Variants in CSMD3 observed in about 807,000 individuals in gnomAD.
CSMD3 encodes the protein CUB and Sushi multiple domains 3.
Under a neutral mutation model 435.2 loss-of-function variants are expected in CSMD3, and 177 were observed. The observed-to-expected ratio is 0.41, with a 90% confidence interval of 0.36 to 0.46. The LOEUF is 0.46. Ranked by LOEUF, CSMD3 falls within the 20% of genes least tolerant of loss-of-function variation. The pLI, the probability that CSMD3 is intolerant of heterozygous loss-of-function variation, is 0.34. For missense variants in CSMD3, 4,265 were observed against 4,504.6 expected (o/e 0.95, Z 1.52); for synonymous variants, 1,656 against 1,520.5 (o/e 1.09, Z -2.07).
chr8:112,905,464 A>G (rs2130482733), intron 10 of CSMD3, among the ~76,000 whole-genome samples: 1 of 151,326 alleles, frequency 6.6e-6, no homozygotes, highest in East Asian at 2.0e-4. Flanking sequence ...TTTGTTCTGG[A>G]ATATCTTTTT....
intron 36 of CSMD3, among the ~76,000 whole-genome samples, chr8:112,386,529 G>C (rs951248254): frequency 1.3e-5 from 2 of 151,772 alleles, no homozygotes; most frequent in South Asian, 4.2e-4. Context: ...ACAGAGTCTC[G>C]CTCTGTCGCC....
intron 1 of CSMD3, among the ~76,000 whole-genome samples, chr8:113,410,803 G>C (rs1282752784): frequency 6.6e-6 from 1 of 151,140 alleles, no homozygotes; most frequent in East Asian, 2.0e-4. Flanking sequence ...TACTATGGGA[G>C]GCTTAGGTGG....
At chr8:113,355,808 ATT>A in intron 1 of CSMD3, among the ~76,000 whole-genome samples, 1 of 106,428 alleles carries the variant, frequency 9.4e-6, no homozygotes, top group Non-Finnish European at 2.3e-5. Context: ...TCAACTATAC[ATT>A]TATCTATCAA....
intron 6 of CSMD3, among the ~76,000 whole-genome samples, chr8:113,005,832 G>A (rs1192914614): frequency 6.6e-6 from 1 of 151,950 alleles, no homozygotes; most frequent in Non-Finnish European, 1.5e-5. Context: ...ATCCTAGCCT[G>A]CAGTAATTCT....
At chr8:112,705,350 AGTATAT>A (rs1196689604) in intron 13 of CSMD3, among the ~76,000 whole-genome samples, 1 of 152,036 alleles carries the variant, frequency 6.6e-6, no homozygotes, top group Non-Finnish European at 1.5e-5. Context: ...AGTGTTCTCC[AGTATAT>A]CTTACTCACT....
intron 6 of CSMD3, among the ~76,000 whole-genome samples, chr8:112,988,268 T>G (rs16884262): frequency 0.013 from 1,951 of 152,192 alleles, 46 homozygotes; most frequent in African/African-American, 0.045. Context: ...GGCTTTCAAA[T>G]GTATTTGAAT....
At position 112,954,324 on chromosome 8, in the gene CSMD3, C is replaced by T. The variant is rs894356423; in HGVS notation, c.1420+360G>A. ...ACTTATGTTGAAATTAAGATATAGT[C>T]AATCAAGAATTCCTACAAGAAACCA... On this transcript the variant is annotated intron_variant, in intron 8 of 70. Transcript: ENST00000297405. Among the ~76,000 whole-genome samples the T allele has an allele frequency of 7.3e-5, 11 of 151,368 alleles. No individual in the cohort carries two copies. In the East Asian group the frequency reaches 2.1e-3, roughly 29 times the overall value.
chr8:112,334,992 G>C (rs1194885537), intron 45 of CSMD3, among the ~76,000 whole-genome samples: 1 of 152,022 alleles, frequency 6.6e-6, no homozygotes, highest in Non-Finnish European at 1.5e-5. Context: ...TTTTGTATAG[G>C]AAAAAAATCT....
intron 5 of CSMD3, among the ~76,000 whole-genome samples, chr8:113,082,759 A>C (rs2089615763): frequency 6.6e-6 from 1 of 152,168 alleles, no homozygotes; most frequent in African/African-American, 2.4e-5. Context: ...ATATCATGTA[A>C]AGGAACAAAA....
intron 1 of CSMD3, among the ~76,000 whole-genome samples, chr8:113,320,578 T>A (rs149515936): frequency 2.2e-3 from 342 of 152,262 alleles, no homozygotes; most frequent in African/African-American, 7.9e-3. Context: ...TATGTTGACA[T>A]GACTCTTGCA....
chr8:112,622,248 T>A (rs1411306700), intron 22 of CSMD3, among the ~76,000 whole-genome samples: 1 of 152,192 alleles, frequency 6.6e-6, no homozygotes, highest in African/African-American at 2.4e-5. Context: ...CTCAAAAATG[T>A]CCTCTCCTGT....
At chr8:113,011,869 T>A (rs967877321) in intron 6 of CSMD3, among the ~76,000 whole-genome samples, 1 of 151,798 alleles carries the variant, frequency 6.6e-6, no homozygotes. Flanking sequence ...TGATTATTTT[T>A]GCTGTTTCTG....
intron 32 of CSMD3, among the ~76,000 whole-genome samples, chr8:112,450,003 C>T (rs963154022): frequency 6.6e-6 from 1 of 152,180 alleles, no homozygotes; most frequent in East Asian, 1.9e-4. Flanking sequence ...GGATTACAGG[C>T]ATGAACCACC....
intron 4 of CSMD3, among the ~76,000 whole-genome samples, chr8:113,160,361 T>C (rs1196780815): frequency 6.6e-6 from 1 of 151,874 alleles, no homozygotes; most frequent in Non-Finnish European, 1.5e-5. Flanking sequence ...GTTACAAGAG[T>C]GGAAATGATG....
chr8:113,310,395 T>G (rs1053084202), intron 2 of CSMD3: 4 of 151,914 alleles, frequency 2.6e-5, no homozygotes, highest in African/African-American at 7.2e-5. Flanking sequence ...TCTTCACTTA[T>G]TTGTGCAGAA....
intron 35 of CSMD3, among the ~76,000 whole-genome samples, chr8:112,405,213 C>CATATGTATATA (rs1439544983): frequency 5.6e-5 from 1 of 17,888 alleles, no homozygotes; most frequent in African/African-American, 3.1e-4. Flanking sequence ...AAAAAAACCC[C>CATATGTATATA]CATATATATA....
chr8:112,625,050 A>C (rs1216773601), intron 22 of CSMD3, among the ~76,000 whole-genome samples: 1 of 152,094 alleles, frequency 6.6e-6, no homozygotes, highest in Non-Finnish European at 1.5e-5. Flanking sequence ...AAAAAAAAAG[A>C]AAAGAAAACA....
intron 27 of CSMD3, among the ~76,000 whole-genome samples, chr8:112,518,336 A>G (rs1394141098): frequency 2.6e-5 from 4 of 151,644 alleles, no homozygotes; most frequent in African/African-American, 9.7e-5. Context: ...CTCTGTCTCT[A>G]GAAAAAATTA....
At chr8:112,423,189 A>G (rs762448891) in intron 32 of CSMD3, among the ~76,000 whole-genome samples, 1 of 152,278 alleles carries the variant, frequency 6.6e-6, no homozygotes, top group South Asian at 2.1e-4. Flanking sequence ...TCCATAACCA[A>G]AAAGAGCAAA....
Sources: allele counts gnomAD v4.1 joint callset (sites outside exome capture counted in the v4.1 genomes callset), GRCh38; gene constraint gnomAD v4.1.1; transcripts MANE v1.5; gene names NCBI Gene and HGNC (gene_info 2026-07-23, HGNC 2026-07-21).